ABCA2: variants seen among roughly 807,000 people sequenced by gnomAD.
ABCA2 encodes ATP-binding cassette sub-family A member 2.
Under a neutral mutation model 262.8 loss-of-function variants are expected in ABCA2, and 84 were observed. The ratio of observed to expected loss-of-function variants is 0.32; its 90% CI spans 0.27 to 0.38. ABCA2 has a LOEUF of 0.38. ABCA2 is among the 10% of genes least tolerant of loss of function. The pLI, the probability that ABCA2 is intolerant of heterozygous loss-of-function variation, is 1.00. For synonymous variants in ABCA2, 1,696 were observed against 1,502.9 expected, an observed-to-expected ratio of 1.13 and a Z score of -2.97; for missense variants, 2,662 against 3,405.9, an observed-to-expected ratio of 0.78 and a Z score of 5.44.
chr9:137,016,782 G>GT (rs1228736475), intron 19 of ABCA2, 44 bp from the exon 20 acceptor site: 1 of 1,542,172 alleles, frequency 6.5e-7, no homozygotes, highest in African/African-American at 1.4e-5. Flanking sequence ...AGGGCCTGGG[G>GT]TGACCATCCA....
chr9:137,023,087 T>C (rs1160675534), intron 3 of ABCA2, 35 bp from the exon 4 acceptor site: 2 of 1,479,938 alleles, frequency 1.4e-6, no homozygotes, highest in Middle Eastern at 1.8e-4. Context: ...GGGTCGGGGG[T>C]GAAAGGGGAG....
In ABCA2 at chr9:137,019,379, ACCT is replaced by A; in HGVS notation, c.1426-76_1426-74del. The A allele has an allele frequency of 6.6e-7, 1 of 1,517,086 alleles. No individual in the cohort carries two copies. Among genetic ancestry groups the A allele is most frequent in the East Asian group, 2.4e-5 (1 of 42,094 alleles). 94.0% of individuals were successfully genotyped at this position (1,517,086 alleles called of 1,614,324 possible). A position where few individuals can be genotyped will look rare whatever the true frequency, so the allele number is the denominator to read the frequency against. On this transcript the variant is annotated intron_variant, in intron 10 of 48. Coordinates refer to ENST00000341511, the MANE Select transcript of ABCA2 (RefSeq NM_001606.5). This position sits in a 1 kb window ranked among gnomAD's most constrained non-coding sequence, Gnocchi z 4.4. ...CGACTTGGGGGCTCTCACCCCACTC[ACCT>A]CCCCAGTGGCTGGTCCATTGCCAAC...
At chr9:137,026,052 G>A (rs1348009601) in intron 1 of ABCA2, among the ~76,000 whole-genome samples, 2 of 152,192 alleles carry the variant, frequency 1.3e-5, no homozygotes, top group Middle Eastern at 3.2e-3. Flanking sequence ...GTGTCGGGGG[G>A]AGAACAGGTG....
chr9:137,011,710 G>A lies in ABCA2; in HGVS notation c.5575C>T (p.Leu1859=), dbSNP rs1831050641. 1 of 1,553,792 alleles carries A rather than the reference G, an allele frequency of 6.4e-7. No individual in the cohort carries two copies. The highest frequency in any genetic ancestry group is 8.7e-7 in the Non-Finnish European group (1 of 1,149,208). ...LVPATCCVII[L]FVFDLPAYTS... is the part of the protein sequence containing the mutation. Reference sequence around the variant, plus strand: ...TAGGCCGGCAGGTCGAACACAAACAGGATGATGACACAGCAGGTAGCGGGG... The same window carrying A: ...TAGGCCGGCAGGTCGAACACAAACAAGATGATGACACAGCAGGTAGCGGGG... The change falls in exon 36 of 49, where the codon CTG becomes TTG. Residue 1859 remains leucine, a synonymous_variant. Coordinates refer to ENST00000341511, the MANE Select transcript of ABCA2 (RefSeq NM_001606.5). The surrounding 1 kb of genome is among the most constrained non-coding windows in gnomAD (Gnocchi z 8.8).
chr9:137,008,576 T>A lies in ABCA2; in HGVS notation c.7115A>T (p.Gln2372Leu). 1 of 1,609,438 alleles carries A rather than the reference T, an allele frequency of 6.2e-7. No homozygotes were observed. Among genetic ancestry groups the A allele is most frequent in the Non-Finnish European group, 8.5e-7 (1 of 1,178,592 alleles). ...AKKQSDNLEQ[Q>L]ETEPPSALQS... is the part of the protein sequence containing the mutation. ...CAGTGCGGATGGCGGCTCCGTCTCC[T>A]GCTGCTCCAGGTTGTCACTCTGCTT... Residue 2372 changes from glutamine (Q) to leucine (L), a missense_variant, in exon 48 of 49, where the codon CAG becomes CTG. By Grantham distance (113) the Gln-to-Leu change is moderately radical. This residue lies in a region of ABCA2 where 212 missense variants were observed against 214.4 expected (regional missense o/e 0.99). Coordinates refer to ENST00000341511, the MANE Select transcript of ABCA2 (RefSeq NM_001606.5).
chr9:137,027,494 G>C (rs1403237098), intron 1 of ABCA2: 1 of 152,762 alleles, frequency 6.5e-6, no homozygotes, highest in African/African-American at 2.4e-5. Flanking sequence ...GCTGGCCAAG[G>C]CTGGCACAAG....
intron 14 of ABCA2, 39 bp downstream of exon 14, chr9:137,018,139 C>A: frequency 6.2e-7 from 1 of 1,610,136 alleles, no homozygotes; most frequent in Non-Finnish European, 8.5e-7. Flanking sequence ...TGTCCTCCCC[C>A]ATGAATCCTC....
chr9:137,016,727 G>A lies in ABCA2; in HGVS notation c.2770C>T (p.Leu924=). 1 of 1,552,926 alleles carries A rather than the reference G, an allele frequency of 6.4e-7. No homozygotes were observed. The highest frequency in any genetic ancestry group is 8.7e-7 in the Non-Finnish European group (1 of 1,151,284). The change falls in exon 20 of 49, where the codon CTG becomes TTG. Residue 924 remains leucine, a synonymous_variant. Transcript: ENST00000341511. The stretch of plus-strand genomic sequence containing the variant: ...AGTGGGAAGTACCAGGGCCGGGGCA[G>A]CCCGTACATGCCTGGGGGTCGGGGA... ...IEAVHPGMYG[L]PRPWYFPLQK...
At chr9:137,022,049 TCA>T in intron 6 of ABCA2, 48 bp from the exon 7 acceptor site, 3 of 163,560 alleles carry the variant, frequency 1.8e-5, no homozygotes, top group Non-Finnish European at 2.8e-5. Context: ...GGGGCGTGGC[TCA>T]GATGGTGGGG....
At position 137,013,020 on chromosome 9, in the gene ABCA2, G is replaced by A. The variant is rs1027215394; in HGVS notation, c.4849C>T (p.Pro1617Ser). The change falls in exon 30 of 49, where the codon CCG (proline) becomes TCG (serine). Residue 1617 changes from proline (P) to serine (S), a missense_variant. Coordinates refer to ENST00000341511, the MANE Select transcript of ABCA2 (RefSeq NM_001606.5). ...CCACTACCTGGCCCAGCGGTGGGCGGCAGGGAGACGTTCCAGGCCTGCAGG... is the reference window on the plus strand; with the variant it reads ...CCACTACCTGGCCCAGCGGTGGGCGACAGGGAGACGTTCCAGGCCTGCAGG... ...EDLQAWNVSL[P>S]PTAGPEMWTS... The A allele has an allele frequency of 4.0e-5, 60 of 1,509,870 alleles. No individual in the cohort carries two copies. The highest frequency in any genetic ancestry group is 5.1e-5 in the Non-Finnish European group (57 of 1,128,250). The allele number at this position is 1,509,870 out of a possible 1,614,324, so 93.5% of individuals were successfully genotyped here. A position where few individuals can be genotyped will look rare whatever the true frequency, so the allele number is the denominator to read the frequency against.
chr9:137,022,265 T>A (rs1450952316), intron 6 of ABCA2, 86 bp downstream of exon 6: 5 of 1,468,702 alleles, frequency 3.4e-6, no homozygotes, highest in African/African-American at 2.9e-5. Context: ...TGACTCAGGC[T>A]GAGCATCCTG....
Position 137,018,786 on chromosome 9 carries a change from G to T in ABCA2, c.1752C>A (p.Pro584=), listed in dbSNP as rs759248916. The change falls in exon 13 of 49, where the codon CCC becomes CCA. Residue 584 remains proline, a synonymous_variant. Transcript: ENST00000341511. ...KVSVDIFKGF[P]DEESIVNYTL... ...TGTAGTTGACAATGCTCTCCTCGTC[G>T]GGGAAGCCCTTGAAGATGTCCACGC... The T allele has an allele frequency of 8.7e-6, 14 of 1,612,718 alleles. No homozygotes were observed. In the African/African-American group the frequency reaches 1.6e-4, roughly 18 times the overall value.
intron 48 of ABCA2, chr9:137,008,178 G>T: frequency 2.5e-6 from 2 of 798,500 alleles, no homozygotes. Context: ...CCCCGGCTCT[G>T]GTCCCCTCTG....
At chr9:137,016,856 G>T in intron 19 of ABCA2, 64 bp downstream of exon 19, 1 of 1,585,882 alleles carries the variant, frequency 6.3e-7, no homozygotes, top group South Asian at 1.1e-5. Context: ...GACACAGACT[G>T]CTGGTCCCCA....
At chr9:137,012,976 C>A (rs938022848) in intron 30 of ABCA2, 26 bp downstream of exon 30, 1 of 1,480,202 alleles carries the variant, frequency 6.8e-7, no homozygotes, top group Non-Finnish European at 9.0e-7. Context: ...GCCCCTGCCC[C>A]CCCAGCAGGC....
At position 137,022,909 on chromosome 9, in the gene ABCA2, G is replaced by A. The variant is rs373491212; in HGVS notation, c.275+32C>T. ...CACTCACTGGATGGGCTGGGGAGGG[G>A]TGGGTGCTCCGAGGGGCGGGTGGGC... On this transcript the variant is annotated intron_variant, in intron 4 of 48. Coordinates refer to ENST00000341511, the MANE Select transcript of ABCA2 (RefSeq NM_001606.5). 1.3e-5 allele frequency: 20 copies of A among 1,565,596 alleles called. No individual in the cohort carries two copies. In the African/African-American group the frequency reaches 2.0e-4, roughly 16 times the overall value.
rs547343644 is a variant in ABCA2, at chr9:137,014,928, G to C, written c.3867C>G (p.Phe1289Leu). 1.9e-6 allele frequency: 3 copies of C among 1,568,196 alleles called. No homozygotes were observed. The highest frequency in any genetic ancestry group is 1.8e-5 in the Admixed American group (1 of 56,272). The change falls in exon 25 of 49, where the codon TTC (phenylalanine) becomes TTG (leucine). Residue 1289 changes from phenylalanine (F) to leucine (L), a missense_variant. Phe to Leu is a conservative substitution (Grantham distance 22). This residue lies in a region of ABCA2 where 297 missense variants were observed against 286.5 expected (regional missense o/e 1.04). Transcript: ENST00000341511. The part of the protein sequence containing the change: ...LPSEAAKKGA[F>L]ERLFQHLERS... ...GCCCTCACACCTGGAAGAGGCGCTCGAAAGCCCCCTTCTTGGCGGCCTCGC... is the reference window on the plus strand; with the variant it reads ...GCCCTCACACCTGGAAGAGGCGCTCCAAAGCCCCCTTCTTGGCGGCCTCGC...
In ABCA2 at chr9:137,011,838, G is replaced by C. The variant is rs772423274; in HGVS notation, c.5535+6C>G. 1 of 1,576,644 alleles carries C rather than the reference G, an allele frequency of 6.3e-7. No individual in the cohort carries two copies. The highest frequency in any genetic ancestry group is 8.6e-7 in the Non-Finnish European group (1 of 1,162,348). Reference sequence around the variant, plus strand: ...CCGGGGCACCCCATGGCCACGCCGGGCGCACCATGTCCCACACGTAGTTCG... The same window carrying C: ...CCGGGGCACCCCATGGCCACGCCGGCCGCACCATGTCCCACACGTAGTTCG... On this transcript the variant is annotated splice_donor_region_variant and intron_variant, in intron 35 of 48. Transcript: ENST00000341511. The surrounding 1 kb of genome is among the most constrained non-coding windows in gnomAD (Gnocchi z 8.8).
At chr9:137,010,839 G>A in intron 39 of ABCA2, 102 bp from the exon 40 acceptor site, 1 of 1,440,168 alleles carries the variant, frequency 6.9e-7, no homozygotes, top group Non-Finnish European at 9.6e-7. Context: ...AGAAGGGTGG[G>A]CAGGCCCCTC....
Sources: gnomAD v4.1 joint callset for allele counts (sites outside exome capture counted in the v4.1 genomes callset) on GRCh38, gnomAD v4.1.1 for gene constraint, gnomAD v4.1.1 regional missense constraint, Gnocchi (gnomAD v3.1) non-coding constraint, MANE v1.5 for transcripts, NCBI Gene and HGNC (gene_info 2026-07-23, HGNC 2026-07-21) for gene names.